SHOC2: variants seen among roughly 807,000 people sequenced by gnomAD.
The protein encoded by SHOC2 is SHOC2 leucine rich repeat scaffold protein.
In SHOC2, 4 loss-of-function variants were observed where a neutral mutation model predicts 50.2. The ratio of observed to expected loss-of-function variants is 0.08; its 90% CI spans 0.04 to 0.18. SHOC2 has a LOEUF of 0.18. SHOC2 is among the 10% of genes least tolerant of loss of function. The pLI is 1.00. For missense variants in SHOC2, 388 were observed against 669.6 expected, an observed-to-expected ratio of 0.58 and a Z score of 4.64; for synonymous variants, 218 against 244.5, an observed-to-expected ratio of 0.89 and a Z score of 1.01.
chr10:110,922,188 G>T (rs1301108778), intron 1 of SHOC2, among the ~76,000 whole-genome samples: 1 of 151,970 alleles, frequency 6.6e-6, no homozygotes, highest in Non-Finnish European at 1.5e-5. Flanking sequence ...TCTGTGACTT[G>T]GGTCAGGGAA....
At chr10:111,001,800 G>A (rs1385575954) in intron 4 of SHOC2, among the ~76,000 whole-genome samples, 1 of 150,524 alleles carries the variant, frequency 6.6e-6, no homozygotes, top group African/African-American at 2.5e-5. Flanking sequence ...TTGGGAGGCC[G>A]AGGCAGGCGG....
intron 4 of SHOC2, among the ~76,000 whole-genome samples, chr10:111,001,079 A>C (rs1848363201): frequency 6.8e-6 from 1 of 146,340 alleles, no homozygotes; most frequent in African/African-American, 2.5e-5. Context: ...TTTTTAACAC[A>C]TTTTTAGGTT....
At position 110,954,172 on chromosome 10, in the gene SHOC2, CTTATA is replaced by C. The variant is rs573601054; in HGVS notation, c.-234-9949_-234-9945del. 2.2e-4 allele frequency among the ~76,000 whole-genome samples: 33 copies of C among 151,422 alleles called. No homozygotes were observed. The South Asian group carries it at 3.1e-3, about 14-fold the overall frequency. On this transcript the variant is annotated intron_variant, in intron 1 of 8. Transcript: ENST00000369452. ...ACAGTATATACTGTTAAAATATTTA[CTTATA>C]TTAATATTAAATATTACAAATTTAA...
chr10:110,936,904 C>T (rs780180877), intron 1 of SHOC2: 98 of 1,378,144 alleles, frequency 7.1e-5, no homozygotes, highest in Admixed American at 5.2e-4. Flanking sequence ...TGTCGTAAGG[C>T]GGTGGGATGC....
chr10:110,996,851 CAT>C (rs1848277472), intron 3 of SHOC2, among the ~76,000 whole-genome samples: 1 of 152,122 alleles, frequency 6.6e-6, no homozygotes, highest in East Asian at 1.9e-4. Flanking sequence ...TGGACACAGA[CAT>C]GAAATAAACA....
intron 1 of SHOC2, among the ~76,000 whole-genome samples, chr10:110,928,799 G>A (rs575973630): frequency 2.0e-5 from 3 of 152,236 alleles, no homozygotes; most frequent in Non-Finnish European, 2.9e-5. Context: ...GGAGACTGAG[G>A]TGGGAGGATG....
At chr10:110,971,265 A>G (rs1847776778) in intron 2 of SHOC2, among the ~76,000 whole-genome samples, 1 of 151,530 alleles carries the variant, frequency 6.6e-6, no homozygotes, top group South Asian at 2.1e-4. Context: ...ATTCTTCTGC[A>G]TATATATATA....
chr10:110,919,761 C>A (rs1418080339), intron 1 of SHOC2, 104 bp downstream of exon 1: 1 of 395,064 alleles, frequency 2.5e-6, no homozygotes, highest in Non-Finnish European at 4.5e-6. Flanking sequence ...GGGGAGGCCC[C>A]GTGCGCCCTG....
At chr10:110,919,438 C>G (rs551424417), upstream of SHOC2, 96 of 393,666 alleles carry the variant, frequency 2.4e-4, no homozygotes, top group African/African-American at 1.6e-3. Context: ...CTTCTCTTGC[C>G]CCGGTTCCGC....
intron 1 of SHOC2, among the ~76,000 whole-genome samples, chr10:110,943,471 T>C (rs935054174): frequency 1.3e-5 from 2 of 152,222 alleles, no homozygotes; most frequent in Non-Finnish European, 2.9e-5. Context: ...GACATTGTCC[T>C]TATACCTTCC....
chr10:111,008,674 A>G (rs1848513174), intron 6 of SHOC2, among the ~76,000 whole-genome samples: 1 of 152,102 alleles, frequency 6.6e-6, no homozygotes, highest in South Asian at 2.1e-4. Context: ...AGGGAAAATA[A>G]ATGAACATAA....
At chr10:111,008,813 C>A (rs1448385072) in intron 6 of SHOC2, among the ~76,000 whole-genome samples, 1 of 151,996 alleles carries the variant, frequency 6.6e-6, no homozygotes, top group Non-Finnish European at 1.5e-5. Context: ...CCATTTTAAC[C>A]CCCTTCAGTA....
intron 2 of SHOC2, 90 bp downstream of exon 2, chr10:110,965,151 G>A: frequency 1.8e-6 from 2 of 1,114,480 alleles, no homozygotes; most frequent in Non-Finnish European, 2.7e-6. Context: ...CCTGATACTT[G>A]CCTAAAAACA....
chr10:110,990,165 G>A (rs1182766560), intron 3 of SHOC2, among the ~76,000 whole-genome samples: 1 of 152,276 alleles, frequency 6.6e-6, no homozygotes, highest in Non-Finnish European at 1.5e-5. Flanking sequence ...GCGCGGGACT[G>A]GCAGGCAGCT....
intron 5 of SHOC2, among the ~76,000 whole-genome samples, chr10:111,005,509 T>G (rs1848450988): frequency 6.6e-6 from 1 of 152,196 alleles, no homozygotes. Flanking sequence ...TTAAAGCATG[T>G]AAAAAATCTC....
chr10:111,002,617 G>GA (rs1419420550), intron 4 of SHOC2, among the ~76,000 whole-genome samples: 2 of 152,036 alleles, frequency 1.3e-5, no homozygotes, highest in African/African-American at 2.4e-5. Flanking sequence ...AACAGATAGC[G>GA]AAATAAGGCT....
intron 4 of SHOC2, among the ~76,000 whole-genome samples, chr10:111,003,605 A>G (rs1296911620): frequency 6.6e-6 from 1 of 152,194 alleles, no homozygotes; most frequent in East Asian, 1.9e-4. Flanking sequence ...CCAAAGTCAC[A>G]AGCTATTTAA....
intron 4 of SHOC2, among the ~76,000 whole-genome samples, chr10:111,003,615 A>G (rs939039923): frequency 3.3e-5 from 5 of 152,180 alleles, no homozygotes; most frequent in African/African-American, 1.2e-4. Flanking sequence ...AAGCTATTTA[A>G]AGATAGAGTC....
At chr10:110,919,526 G>A (rs1307302425), upstream of SHOC2, 3 of 387,452 alleles carry the variant, frequency 7.7e-6, no homozygotes, top group East Asian at 3.6e-5. Flanking sequence ...GTAGTGGCGG[G>A]GCGGGCGGGG....
Sources: gnomAD v4.1 joint callset for allele counts (sites outside exome capture counted in the v4.1 genomes callset) on GRCh38, gnomAD v4.1.1 for gene constraint, MANE v1.5 for transcripts, NCBI Gene and HGNC (gene_info 2026-07-23, HGNC 2026-07-21) for gene names.